DNAH7: variants seen among roughly 807,000 people sequenced by gnomAD.
The protein encoded by DNAH7 is axonemal beta dynein heavy chain 7.
A neutral mutation model predicts 444.6 loss-of-function variants in DNAH7; 397 were observed. The ratio of observed to expected loss-of-function variants is 0.89; its 90% CI spans 0.82 to 0.97. The LOEUF (loss-of-function observed/expected upper bound fraction) is 0.97, where lower values mean the gene tolerates loss of function less well. Among genes scored for constraint, DNAH7 ranks in the 50% least tolerant of loss-of-function variants. The probability of loss-of-function intolerance (pLI) is 0.00; values close to 1 mark genes in which losing one functional copy is unlikely to be tolerated. For synonymous variants in DNAH7, 1,636 were observed against 1,624.4 expected, an observed-to-expected ratio of 1.01 and a Z score of -0.17; for missense variants, 4,902 against 4,800.8, an observed-to-expected ratio of 1.02 and a Z score of -0.62.
intron 31 of DNAH7, 92 bp from the exon 32 acceptor site, chr2:195,889,073 T>C: frequency 2.5e-6 from 3 of 1,202,288 alleles, no homozygotes; most frequent in Non-Finnish European, 1.2e-6. Flanking sequence ...TTTTAAAATA[T>C]AAGTACTAGG....
intron 48 of DNAH7, among the ~76,000 whole-genome samples, chr2:195,833,595 A>C (rs1448692212): frequency 6.6e-6 from 1 of 152,146 alleles, no homozygotes; most frequent in African/African-American, 2.4e-5. Flanking sequence ...AATAACCCCA[A>C]TTTACTCAAA....
At chr2:196,032,567 T>G (rs1337716977) in intron 5 of DNAH7, among the ~76,000 whole-genome samples, 2 of 152,182 alleles carry the variant, frequency 1.3e-5, no homozygotes, top group Non-Finnish European at 2.9e-5. Context: ...GGATCAAATA[T>G]GACCCAATCA....
chr2:195,988,418 A>AT (rs1280582132), intron 12 of DNAH7, among the ~76,000 whole-genome samples, 189 bp from the exon 13 acceptor site: 1 of 152,078 alleles, frequency 6.6e-6, no homozygotes, highest in Non-Finnish European at 1.5e-5. Context: ...TTAGGTTCAT[A>AT]TAATTTTTTG....
At position 195,791,105 on chromosome 2, in the gene DNAH7, T is replaced by C. The variant is rs191835699; in HGVS notation, c.10716+3233A>G. 5.5e-3 allele frequency among the ~76,000 whole-genome samples: 830 copies of C among 152,238 alleles called. 8 individuals are homozygous for C. Among genetic ancestry groups the C allele is most frequent in the Non-Finnish European group, 8.6e-3 (585 of 68,020 alleles). On this transcript the variant is annotated intron_variant, in intron 57 of 64. Transcript: ENST00000312428. ...TAACAAAAAAAGTGCTCCACATCAC[T>C]AATCATCAGAGAAATGCAAATCAAA... is the stretch of plus-strand genomic sequence containing the variant.
chr2:195,972,686 A>C (rs1691928429), intron 15 of DNAH7, among the ~76,000 whole-genome samples: 1 of 152,240 alleles, frequency 6.6e-6, no homozygotes, highest in Non-Finnish European at 1.5e-5. Context: ...ATGCTCAACA[A>C]CACATGGAAA....
intron 19 of DNAH7, among the ~76,000 whole-genome samples, chr2:195,944,487 T>G (rs2125449427): frequency 6.6e-6 from 1 of 152,186 alleles, no homozygotes; most frequent in South Asian, 2.1e-4. Flanking sequence ...TACAATATAT[T>G]GCCACTTAAT....
intron 24 of DNAH7, among the ~76,000 whole-genome samples, chr2:195,914,203 A>G (rs1284343220): frequency 1.3e-5 from 2 of 152,376 alleles, no homozygotes; most frequent in East Asian, 3.9e-4. Context: ...AAATGTTTAA[A>G]TACAGAAACT....
chr2:195,811,649 C>T (rs919346231), intron 51 of DNAH7, among the ~76,000 whole-genome samples: 1 of 152,012 alleles, frequency 6.6e-6, no homozygotes, highest in African/African-American at 2.4e-5. Context: ...CCCCACCCAG[C>T]CAAAAGTCTT....
chr2:196,034,692 C>A lies in DNAH7; in HGVS notation c.399-6645G>T. ...CTGGTGTAAAAATAAACACATAGATCAATGGAACAGAAATAGCCCCTCGTA... is the reference window on the plus strand; with the variant it reads ...CTGGTGTAAAAATAAACACATAGATAAATGGAACAGAAATAGCCCCTCGTA... On this transcript the variant is annotated intron_variant, in intron 5 of 64. Transcript: ENST00000312428. Among the ~76,000 whole-genome samples the A allele has an allele frequency of 1.3e-5, 2 of 152,096 alleles. 1 individual carries two copies. The highest frequency in any genetic ancestry group is 2.9e-5 in the Non-Finnish European group (2 of 68,010).
chr2:195,874,635 GCCC>G (rs774569419), intron 38 of DNAH7, among the ~76,000 whole-genome samples: 93 of 151,046 alleles, frequency 6.2e-4, no homozygotes, highest in South Asian at 2.9e-3. Flanking sequence ...ATAATAATAT[GCCC>G]CCAAGCCCTT....
At chr2:195,967,279 TTTTG>T (rs78793066) in intron 17 of DNAH7, among the ~76,000 whole-genome samples, 13,873 of 152,016 alleles carry the variant, frequency 0.091, 687 homozygotes, top group African/African-American at 0.13. Flanking sequence ...TTTTAACTTT[TTTTG>T]TTTCTCTTTA....
intron 46 of DNAH7, among the ~76,000 whole-genome samples, chr2:195,848,978 T>C (rs868308296): frequency 7.3e-4 from 111 of 152,348 alleles, no homozygotes; most frequent in African/African-American, 2.4e-3. Flanking sequence ...CACTGTTAAA[T>C]TGCTCTTTTC....
At chr2:195,969,024 C>T (rs2130363) in intron 17 of DNAH7, among the ~76,000 whole-genome samples, 14,841 of 152,278 alleles carry the variant, frequency 0.097, 833 homozygotes, top group African/African-American at 0.15. Context: ...GCAGCATCAG[C>T]GTTTCAAGAC....
At chr2:195,981,342 CA>C (rs1051333760) in intron 15 of DNAH7, among the ~76,000 whole-genome samples, 12 of 151,052 alleles carry the variant, frequency 7.9e-5, no homozygotes, top group South Asian at 2.1e-4. Context: ...TTGAAGACAC[CA>C]AAAAAAGGAA....
At chr2:195,742,078 T>C (rs541324747) in intron 63 of DNAH7, among the ~76,000 whole-genome samples, 1 of 152,192 alleles carries the variant, frequency 6.6e-6, no homozygotes, top group Non-Finnish European at 1.5e-5. Context: ...AAAGCACTTG[T>C]CCAATAACTG....
At chr2:195,788,097 C>T (rs912357123) in intron 57 of DNAH7, among the ~76,000 whole-genome samples, 1 of 152,124 alleles carries the variant, frequency 6.6e-6, no homozygotes, top group African/African-American at 2.4e-5. Context: ...CTAAGGAGAA[C>T]CCATGAAAAC....
At chr2:195,981,199 G>C (rs1160771729) in intron 15 of DNAH7, among the ~76,000 whole-genome samples, 1 of 151,916 alleles carries the variant, frequency 6.6e-6, no homozygotes, top group Non-Finnish European at 1.5e-5. Context: ...TATGCCAAAG[G>C]TGGGACAATC....
intron 19 of DNAH7, among the ~76,000 whole-genome samples, chr2:195,949,909 G>T (rs946840105): frequency 2.6e-5 from 4 of 152,172 alleles, no homozygotes; most frequent in African/African-American, 9.7e-5. Context: ...TACGTTTACT[G>T]ATTTGTATAT....
intron 41 of DNAH7, among the ~76,000 whole-genome samples, chr2:195,862,793 T>C (rs1200038219): frequency 6.6e-6 from 1 of 152,166 alleles, no homozygotes; most frequent in Non-Finnish European, 1.5e-5. Flanking sequence ...CCCAGCACTT[T>C]GGGAGGCCGA....
Sources: allele counts gnomAD v4.1 joint callset (sites outside exome capture counted in the v4.1 genomes callset), GRCh38; gene constraint gnomAD v4.1.1; transcripts MANE v1.5; gene names NCBI Gene and HGNC (gene_info 2026-07-23, HGNC 2026-07-21).